The following HIVEP3 variants were observed in gnomAD, a reference collection of about 807,000 sequenced individuals.
HIVEP3 encodes the protein HIVEP zinc finger 3, also known as transcription factor HIVEP3.
HIVEP3 carries 49 observed loss-of-function variants against 152.8 expected under a neutral mutation model. The ratio of observed to expected loss-of-function variants is 0.32; its 90% CI spans 0.26 to 0.41. The LOEUF (loss-of-function observed/expected upper bound fraction) is 0.41. Ranked by LOEUF, HIVEP3 falls within the 10% of genes least tolerant of loss-of-function variation. The pLI is 1.00. For missense variants in HIVEP3, 2,790 were observed against 3,103.3 expected (o/e 0.90, Z 2.40); for synonymous variants, 1,269 against 1,289.0 (o/e 0.98, Z 0.33).
intron 5 of HIVEP3, among the ~76,000 whole-genome samples, chr1:41,552,974 G>C (rs1390834807): frequency 1.3e-5 from 2 of 152,218 alleles, no homozygotes; most frequent in Non-Finnish European, 2.9e-5. Context: ...TGTATATGCT[G>C]TTGATTTGGG....
intron 5 of HIVEP3, among the ~76,000 whole-genome samples, chr1:41,571,738 T>C (rs1395717525): frequency 6.6e-6 from 1 of 152,082 alleles, no homozygotes; most frequent in Non-Finnish European, 1.5e-5. Flanking sequence ...GATTTGGCAA[T>C]GGCAGGGCCC....
chr1:41,532,528 C>A (rs1433105567), intron 5 of HIVEP3, among the ~76,000 whole-genome samples: 1 of 152,066 alleles, frequency 6.6e-6, no homozygotes, highest in Non-Finnish European at 1.5e-5. Flanking sequence ...GAGGATATTC[C>A]CTGGCCATGG....
chr1:41,819,952 C>T (rs912986451), intron 1 of HIVEP3, among the ~76,000 whole-genome samples: 2 of 152,118 alleles, frequency 1.3e-5, no homozygotes, highest in Admixed American at 6.5e-5. Context: ...CATGGCTACT[C>T]AACCTGCCAT....
At chr1:41,535,092 G>T (rs1317357088) in intron 5 of HIVEP3, among the ~76,000 whole-genome samples, 7 of 152,152 alleles carry the variant, frequency 4.6e-5, no homozygotes, top group Non-Finnish European at 1.0e-4. Flanking sequence ...GGCCCAGTGG[G>T]TTCATTGACA....
chr1:41,627,804 A>T (rs908575134), intron 3 of HIVEP3, among the ~76,000 whole-genome samples: 8 of 152,256 alleles, frequency 5.3e-5, no homozygotes, highest in South Asian at 4.1e-4. Flanking sequence ...GAATCAATGT[A>T]GATTCCTGGG....
intron 1 of HIVEP3, among the ~76,000 whole-genome samples, chr1:41,726,849 G>A (rs1365128112): frequency 6.6e-6 from 1 of 152,216 alleles, no homozygotes; most frequent in Non-Finnish European, 1.5e-5. Flanking sequence ...TGAGTGTTGA[G>A]TGCCTGGTGG....
At chr1:41,779,169 G>A (rs1648888379) in intron 1 of HIVEP3, among the ~76,000 whole-genome samples, 1 of 151,944 alleles carries the variant, frequency 6.6e-6, no homozygotes, top group African/African-American at 2.4e-5. Flanking sequence ...CCCTCCTGCT[G>A]TCCCCCAACC....
intron 1 of HIVEP3, among the ~76,000 whole-genome samples, chr1:41,807,814 G>A (rs1348975387): frequency 6.6e-6 from 1 of 152,194 alleles, no homozygotes; most frequent in Non-Finnish European, 1.5e-5. Flanking sequence ...AACAGCACAT[G>A]CATGGGAATA....
At chr1:41,534,736 C>A (rs76480554) in intron 5 of HIVEP3, among the ~76,000 whole-genome samples, 17 of 152,330 alleles carry the variant, frequency 1.1e-4, no homozygotes, top group African/African-American at 3.8e-4. Flanking sequence ...AGATTCTAGC[C>A]TTGACTTTCC....
At chr1:41,921,898 T>C (rs188779317), upstream of HIVEP3, among the ~76,000 whole-genome samples, 1 of 151,604 alleles carries the variant, frequency 6.6e-6, no homozygotes, top group African/African-American at 2.4e-5. Flanking sequence ...CCACTGCTCT[T>C]CCCCAAAAAG....
At chr1:41,527,538 CGTAT>C (rs1643030988) in intron 5 of HIVEP3, among the ~76,000 whole-genome samples, 2 of 136,948 alleles carry the variant, frequency 1.5e-5, no homozygotes, top group Non-Finnish European at 1.6e-5. Flanking sequence ...CTCACCCTCA[CGTAT>C]ACACCCCCAC....
intron 5 of HIVEP3, among the ~76,000 whole-genome samples, chr1:41,545,528 T>A (rs1231978109): frequency 5.6e-5 from 2 of 35,790 alleles, no homozygotes; most frequent in African/African-American, 2.4e-4. Flanking sequence ...TCACCACCAC[T>A]ACCATCACCA....
chr1:41,724,721 C>G lies in HIVEP3; in HGVS notation c.-800-23726G>C, dbSNP rs1315849311. 4.6e-5 allele frequency among the ~76,000 whole-genome samples: 7 copies of G among 152,224 alleles called. No individual in the cohort carries two copies. The South Asian group carries it at 1.4e-3, about 31-fold the overall frequency. On this transcript the variant is annotated intron_variant, in intron 1 of 8. Transcript: ENST00000372583. Reference sequence around the variant, plus strand: ...TGGGAGGTGTGAGCCCCTCCCCAGCCATCACACACAGGCCAAACATCTGGT... The same window carrying G: ...TGGGAGGTGTGAGCCCCTCCCCAGCGATCACACACAGGCCAAACATCTGGT...
chr1:41,814,189 T>G (rs1165606390), intron 1 of HIVEP3, among the ~76,000 whole-genome samples: 1 of 152,216 alleles, frequency 6.6e-6, no homozygotes, highest in African/African-American at 2.4e-5. Context: ...CAGTACGTCA[T>G]GTCTGTGAGG....
At chr1:41,746,606 G>T (rs531216243) in intron 1 of HIVEP3, among the ~76,000 whole-genome samples, 1 of 152,310 alleles carries the variant, frequency 6.6e-6, no homozygotes, top group African/African-American at 2.4e-5. Flanking sequence ...CAAGGCACTT[G>T]TTTCTAGGCT....
intron 1 of HIVEP3, among the ~76,000 whole-genome samples, chr1:41,723,460 C>T (rs1293262194): frequency 2.0e-5 from 3 of 151,090 alleles, no homozygotes; most frequent in Non-Finnish European, 2.9e-5. Flanking sequence ...GCAGAAAATG[C>T]ACCCATACCA....
intron 2 of HIVEP3, among the ~76,000 whole-genome samples, chr1:41,655,578 A>C: frequency 1.1e-5 from 1 of 94,778 alleles, no homozygotes; most frequent in African/African-American, 5.7e-5. Context: ...GTGACACTCC[A>C]TCTCAAAAAA....
chr1:41,875,261 T>C (rs1028308691), intron 1 of HIVEP3, among the ~76,000 whole-genome samples: 3 of 152,196 alleles, frequency 2.0e-5, no homozygotes, highest in Middle Eastern at 3.2e-3. Context: ...ACCCTGTCTT[T>C]GTAGATGGTG....
At chr1:41,763,523 C>T (rs141913197) in intron 1 of HIVEP3, among the ~76,000 whole-genome samples, 29 of 152,294 alleles carry the variant, frequency 1.9e-4, no homozygotes, top group Non-Finnish European at 2.8e-4. Flanking sequence ...GCCTAAGCAC[C>T]GTTCATTCAC....
Sources: allele counts gnomAD v4.1 joint callset (sites outside exome capture counted in the v4.1 genomes callset), GRCh38; gene constraint gnomAD v4.1.1; transcripts MANE v1.5; gene names NCBI Gene and HGNC (gene_info 2026-07-23, HGNC 2026-07-21).